CATSPER2: variants seen among roughly 807,000 people sequenced by gnomAD.
CATSPER2 encodes the protein cation channel sperm associated 2, also known as cation channel sperm-associated protein 2.
In CATSPER2, 56 loss-of-function variants were observed where a neutral mutation model predicts 68.8. The ratio of observed to expected loss-of-function variants is 0.81; its 90% CI spans 0.66 to 1.02. The LOEUF is 1.02. Ranked by LOEUF, CATSPER2 falls within the 50% of genes least tolerant of loss-of-function variation. CATSPER2 has a pLI of 0.00. For synonymous variants in CATSPER2, 198 were observed against 229.9 expected (o/e 0.86, Z 1.26); for missense variants, 582 against 642.0 (o/e 0.91, Z 1.01).
At position 43,632,832 on chromosome 15, in the gene CATSPER2, T is replaced by A; in HGVS notation, c.1281A>T (p.Ala427=). 1 of 1,613,738 alleles carries A rather than the reference T, an allele frequency of 6.2e-7. No individual in the cohort carries two copies. The highest frequency in any genetic ancestry group is 8.5e-7 in the Non-Finnish European group (1 of 1,179,834). Residue 427 remains alanine (A), a synonymous_variant, in exon 11 of 13, where the codon GCA becomes GCT. Transcript: ENST00000396879. ...TTGACAAGGTCTCTTCTGTTTTTGA[T>A]GCAGATGTTATTAAATCCTCTTCAG... ...GATEEDLITS[A]SKTEETLSKK...
rs1567135464 is a variant in CATSPER2, at chr15:43,648,795, C to T, written c.-169G>A. The T allele has an allele frequency of 3.3e-6, 5 of 1,531,792 alleles. 1 individual carries two copies. The highest frequency in any genetic ancestry group is 1.9e-4 in the Middle Eastern group (1 of 5,218). The allele number at this position is 1,531,792 out of a possible 1,614,324, so 94.9% of individuals were successfully genotyped here. ...TCGACCCCCAGGTTTCGGCTCACCC[C>T]GGGACCCGGCCCTAGCCCCTACCCA... On this transcript the variant is annotated 5_prime_UTR_variant, in exon 1 of 13. Transcript: ENST00000396879.
intron 7 of CATSPER2, among the ~76,000 whole-genome samples, chr15:43,636,892 A>AG (rs1004383518): frequency 1.3e-5 from 2 of 148,270 alleles, no homozygotes; most frequent in African/African-American, 5.0e-5. Flanking sequence ...GCGTGATCTC[A>AG]GCTCACTTCA....
chr15:43,646,392 TGG>T (rs1313361776), intron 4 of CATSPER2, among the ~76,000 whole-genome samples: 13 of 151,582 alleles, frequency 8.6e-5, no homozygotes, highest in Admixed American at 8.5e-4. Context: ...ACTGAGTAGC[TGG>T]GATTACAGGT....
At chr15:43,648,220 C>G (rs982671886) in intron 1 of CATSPER2, among the ~76,000 whole-genome samples, 157 bp from the exon 2 acceptor site, 2 of 151,958 alleles carry the variant, frequency 1.3e-5, no homozygotes, top group African/African-American at 4.8e-5. Context: ...AACAAACATT[C>G]TACTAGGACT....
At chr15:43,630,803 C>T in intron 12 of CATSPER2, 71 bp from the exon 13 acceptor site, 1 of 1,610,858 alleles carries the variant, frequency 6.2e-7, no homozygotes, top group Non-Finnish European at 8.5e-7. Context: ...TGGTGAAGAC[C>T]TTGCTTTTCT....
Position 43,636,183 on chromosome 15 carries a change from G to A in CATSPER2, c.879C>T (p.Leu293=). The change falls in exon 8 of 13, where the codon CTC becomes CTT. Residue 293 remains leucine, a synonymous_variant. Coordinates refer to ENST00000396879, the MANE Select transcript of CATSPER2 (RefSeq NM_172095.4). ...GTGCATACCAATGATCCAAGGTGAA[G>A]AGAATGAACACTGTTACCAGGGAAT... is the stretch of plus-strand genomic sequence containing the variant. ...LPNSLVTVFI[L]FTLDHWYALL... The A allele has an allele frequency of 6.2e-7, 1 of 1,613,054 alleles. No homozygotes were observed. Among genetic ancestry groups the A allele is most frequent in the South Asian group, 1.1e-5 (1 of 90,986 alleles).
At position 43,640,387 on chromosome 15, in the gene CATSPER2, T is replaced by C. The variant is rs2086051648; in HGVS notation, c.498A>G (p.Leu166=). 4 of 1,612,998 alleles carry C rather than the reference T, an allele frequency of 2.5e-6. 1 individual carries two copies. Among genetic ancestry groups the C allele is most frequent in the Non-Finnish European group, 3.4e-6 (4 of 1,179,390 alleles). Residue 166 remains leucine (L), a synonymous_variant, in exon 5 of 13, where the codon CTA becomes CTG. Transcript: ENST00000396879. ...IFILEILLKW[L]SNFSVFWKSA... ...TCTTCCAGAAAACAGAAAAGTTGGA[T>C]AGCCACTTAAGAAGGATCTCCAGGA... is the stretch of plus-strand genomic sequence containing the variant.
intron 1 of CATSPER2, among the ~76,000 whole-genome samples, 152 bp downstream of exon 1, chr15:43,648,477 C>T (rs532331226): frequency 1.3e-5 from 2 of 152,092 alleles, no homozygotes; most frequent in East Asian, 1.9e-4. Flanking sequence ...GAGGTCTTGG[C>T]CTGCTCACGC....
At chr15:43,633,974 A>G (rs1389411493) in intron 10 of CATSPER2, 1 of 151,618 alleles carries the variant, frequency 6.6e-6, no homozygotes, top group Non-Finnish European at 1.5e-5. Flanking sequence ...AAAAAGAAAA[A>G]AAAACCTACA....
intron 5 of CATSPER2, 25 bp downstream of exon 5, chr15:43,640,299 G>A (rs1346018566): frequency 6.2e-6 from 10 of 1,608,330 alleles, no homozygotes; most frequent in Middle Eastern, 3.3e-4. Context: ...CCCACTAAAC[G>A]AACCCTCAGG....
chr15:43,648,696 G>A lies in CATSPER2; in HGVS notation c.-70C>T, dbSNP rs979209530. 212 of 1,455,284 alleles carry A rather than the reference G, an allele frequency of 1.5e-4. 4 individuals are homozygous for A. Among genetic ancestry groups the A allele is most frequent in the Non-Finnish European group, 1.5e-4 (161 of 1,106,930 alleles). 90.1% of individuals were successfully genotyped at this position (1,455,284 alleles called of 1,614,324 possible). On this transcript the variant is annotated 5_prime_UTR_variant, in exon 1 of 13. Coordinates refer to ENST00000396879, the MANE Select transcript of CATSPER2 (RefSeq NM_172095.4). ...CTTCCGCCTCCAGCTCAGGTGCCCC[G>A]AGCCTGGCTACCCCTATGCAAGACG...
At chr15:43,643,936 T>C (rs1310838370) in intron 4 of CATSPER2, among the ~76,000 whole-genome samples, 2 of 151,884 alleles carry the variant, frequency 1.3e-5, no homozygotes, top group African/African-American at 2.4e-5. Flanking sequence ...GCTGCCTCAA[T>C]CTCCTGGCCT....
At chr15:43,635,119 T>C (rs2141553394) in intron 10 of CATSPER2, 1 of 573,716 alleles carries the variant, frequency 1.7e-6, no homozygotes, top group East Asian at 3.2e-5. Flanking sequence ...CTGGATAATC[T>C]AGGATGATCT....
chr15:43,644,176 C>T (rs1374355412), intron 4 of CATSPER2, among the ~76,000 whole-genome samples: 2 of 151,478 alleles, frequency 1.3e-5, no homozygotes, highest in Non-Finnish European at 2.9e-5. Context: ...TTTTTAAAGC[C>T]CTAACAGTTT....
chr15:43,640,545 C>T (rs750649085), intron 4 of CATSPER2, 49 bp from the exon 5 acceptor site: 5 of 1,611,514 alleles, frequency 3.1e-6, no homozygotes, highest in South Asian at 2.2e-5. Context: ...AGCTGGAAAC[C>T]GAATGATGGA....
intron 6 of CATSPER2, 181 bp downstream of exon 6, chr15:43,639,462 T>C (rs1330960765): frequency 4.3e-5 from 27 of 634,918 alleles, no homozygotes; most frequent in Non-Finnish European, 3.2e-5. Context: ...AGACAGGGTT[T>C]CACCATGTTG....
chr15:43,642,148 G>A (rs2086085827), intron 4 of CATSPER2, among the ~76,000 whole-genome samples: 1 of 150,540 alleles, frequency 6.6e-6, no homozygotes, highest in African/African-American at 2.5e-5. Flanking sequence ...TTGCCAAGAT[G>A]GAGTGCAGTG....
intron 7 of CATSPER2, among the ~76,000 whole-genome samples, chr15:43,636,834 C>CTT (rs57237932): frequency 2.8e-5 from 4 of 142,846 alleles, no homozygotes; most frequent in Admixed American, 2.1e-4. Flanking sequence ...ATTTTTTTTT[C>CTT]TTTTTTTTTT....
chr15:43,648,637 A>T lies in CATSPER2; in HGVS notation c.-11T>A. 3 of 1,396,272 alleles carry T rather than the reference A, an allele frequency of 2.1e-6. No homozygotes were observed. Among genetic ancestry groups the T allele is most frequent in the South Asian group, 3.2e-5 (2 of 62,110 alleles). 86.5% of individuals were successfully genotyped at this position (1,396,272 alleles called of 1,614,324 possible). The stretch of plus-strand genomic sequence containing the variant: ...TCGCTTCTGGGCCTCACCTCAGCCC[A>T]GGTTCTCTTTGCCCACTCAGTCCTT... On this transcript the variant is annotated 5_prime_UTR_variant, in exon 1 of 13. Coordinates refer to ENST00000396879, the MANE Select transcript of CATSPER2 (RefSeq NM_172095.4).
Sources: allele counts gnomAD v4.1 joint callset (sites outside exome capture counted in the v4.1 genomes callset), GRCh38; gene constraint gnomAD v4.1.1; transcripts MANE v1.5; gene names NCBI Gene and HGNC (gene_info 2026-07-23, HGNC 2026-07-21).